WWC2: variants seen among roughly 807,000 people sequenced by gnomAD.
The protein encoded by WWC2 is protein WWC2.
Under a neutral mutation model 138.5 loss-of-function variants are expected in WWC2, and 101 were observed. That is an observed-to-expected ratio of 0.73 (90% CI 0.62 to 0.86). WWC2 has a LOEUF of 0.86. Ranked by LOEUF, WWC2 falls within the 40% of genes least tolerant of loss-of-function variation. The probability of loss-of-function intolerance (pLI) is 0.00; values close to 1 mark genes in which losing one functional copy is unlikely to be tolerated. For missense variants in WWC2, 1,420 were observed against 1,419.4 expected (o/e 1.00, Z -0.01); for synonymous variants, 558 against 538.4 (o/e 1.04, Z -0.50).
intron 1 of WWC2, among the ~76,000 whole-genome samples, chr4:183,145,343 AT>A (rs149203244): frequency 2.6e-4 from 40 of 151,816 alleles, no homozygotes; most frequent in Non-Finnish European, 5.0e-4. Context: ...TAGAAGGATT[AT>A]TTTTTTTATT....
intron 1 of WWC2, among the ~76,000 whole-genome samples, chr4:183,140,600 CT>C (rs1158979196): frequency 5.3e-5 from 8 of 152,060 alleles, no homozygotes; most frequent in Admixed American, 1.3e-4. Flanking sequence ...CTTTTCAGTA[CT>C]TTAAAGAATA....
intron 6 of WWC2, among the ~76,000 whole-genome samples, chr4:183,245,839 C>T (rs1235089576): frequency 1.3e-5 from 2 of 152,176 alleles, no homozygotes; most frequent in African/African-American, 4.8e-5. Flanking sequence ...CATCTTGGTG[C>T]ACCCTGAAAC....
Position 183,319,959 on chromosome 4 carries a change from G to A in WWC2, c.*4230G>A. ...CAGGCCCAGAAATCCCAGCCCATTT[G>A]ACAGAAACATTAAGATCCTGGAGAC... On this transcript the variant is annotated 3_prime_UTR_variant, in exon 23 of 23. Coordinates refer to ENST00000403733, the MANE Select transcript of WWC2 (RefSeq NM_024949.6). 1 of 1,613,480 alleles carries A rather than the reference G, an allele frequency of 6.2e-7. No individual in the cohort carries two copies. The highest frequency in any genetic ancestry group is 1.3e-5 in the African/African-American group (1 of 74,944).
intron 1 of WWC2, among the ~76,000 whole-genome samples, chr4:183,172,169 G>A (rs1190633250): frequency 6.6e-6 from 1 of 152,102 alleles, no homozygotes; most frequent in Non-Finnish European, 1.5e-5. Context: ...GGAACCTCCT[G>A]CACCTTCTGT....
At chr4:183,199,390 C>T (rs1186766240) in intron 2 of WWC2, among the ~76,000 whole-genome samples, 4 of 152,206 alleles carry the variant, frequency 2.6e-5, no homozygotes, top group Non-Finnish European at 5.9e-5. Flanking sequence ...ACTAGCCACT[C>T]ATACACTAGC....
chr4:183,265,721 A>G lies in WWC2; in HGVS notation c.2073A>G (p.Glu691=). The G allele has an allele frequency of 3.1e-6, 5 of 1,611,998 alleles. No individual in the cohort carries two copies. The highest frequency in any genetic ancestry group is 2.5e-6 in the Non-Finnish European group (3 of 1,179,118). Reference sequence around the variant, plus strand: ...AAATGGAAGATGTCACATACAGTGAAGAGGATGTAGCCATTGTAGAGACCG... The same window carrying G: ...AAATGGAAGATGTCACATACAGTGAGGAGGATGTAGCCATTGTAGAGACCG... ...PSEMEDVTYS[E]EDVAIVETAQ... Residue 691 remains glutamate (E), a synonymous_variant, in exon 13 of 23, where the codon GAA becomes GAG. Coordinates refer to ENST00000403733, the MANE Select transcript of WWC2 (RefSeq NM_024949.6).
chr4:183,250,649 C>G (rs1275085363), intron 8 of WWC2, among the ~76,000 whole-genome samples: 1 of 152,034 alleles, frequency 6.6e-6, no homozygotes, highest in Non-Finnish European at 1.5e-5. Flanking sequence ...TAGATAGACT[C>G]AAATACTTTT....
At chr4:183,141,955 A>G (rs1216677138) in intron 1 of WWC2, among the ~76,000 whole-genome samples, 2 of 152,258 alleles carry the variant, frequency 1.3e-5, no homozygotes, top group African/African-American at 2.4e-5. Flanking sequence ...AGCAGGGGAC[A>G]TGTGTTTAGT....
intron 4 of WWC2, among the ~76,000 whole-genome samples, chr4:183,226,631 GAATAGCTCTGCAATATTTAAA>G (rs1372299909): frequency 6.6e-6 from 1 of 151,900 alleles, no homozygotes; most frequent in African/African-American, 2.4e-5. Flanking sequence ...GGTTACAATA[GAATAGCTCTGCAATATTTAAA>G]AGCTAGAAAA....
intron 1 of WWC2, among the ~76,000 whole-genome samples, chr4:183,153,334 G>C (rs142200150): frequency 6.6e-6 from 1 of 152,160 alleles, no homozygotes; most frequent in African/African-American, 2.4e-5. Context: ...TTCAAGTAGG[G>C]CTTCAAAGCC....
intron 1 of WWC2, among the ~76,000 whole-genome samples, chr4:183,136,334 C>G (rs1034792232): frequency 6.6e-6 from 1 of 152,042 alleles, no homozygotes; most frequent in Non-Finnish European, 1.5e-5. Flanking sequence ...ACTTCAGTTG[C>G]GACTTTCACT....
intron 1 of WWC2, among the ~76,000 whole-genome samples, chr4:183,188,473 A>G: frequency 6.6e-6 from 1 of 151,868 alleles, no homozygotes; most frequent in Non-Finnish European, 1.5e-5. Context: ...CCTGACCTTA[A>G]GTGATCTGCC....
intron 4 of WWC2, among the ~76,000 whole-genome samples, chr4:183,222,517 T>C (rs539230747): frequency 6.6e-6 from 1 of 152,106 alleles, no homozygotes; most frequent in East Asian, 1.9e-4. Context: ...TTGAAGGATA[T>C]AAACAAATTT....
intron 1 of WWC2, among the ~76,000 whole-genome samples, chr4:183,187,440 G>A (rs1377620307): frequency 6.6e-6 from 1 of 151,672 alleles, no homozygotes; most frequent in Non-Finnish European, 1.5e-5. Flanking sequence ...TGTAGTCCCA[G>A]CTACACAGGA....
intron 4 of WWC2, among the ~76,000 whole-genome samples, chr4:183,212,347 AC>A (rs1216201582): frequency 3.3e-5 from 5 of 151,934 alleles, no homozygotes; most frequent in African/African-American, 1.2e-4. Context: ...GGTGTCCTGG[AC>A]CCTTTACTTT....
intron 14 of WWC2, among the ~76,000 whole-genome samples, chr4:183,267,267 A>G (rs1276270647): frequency 6.6e-6 from 1 of 152,204 alleles, no homozygotes; most frequent in Non-Finnish European, 1.5e-5. Context: ...GACTGTCCAC[A>G]TCATTAGTGA....
At chr4:183,127,176 G>A (rs1381100040) in intron 1 of WWC2, among the ~76,000 whole-genome samples, 1 of 152,086 alleles carries the variant, frequency 6.6e-6, no homozygotes, top group Non-Finnish European at 1.5e-5. Context: ...TATTTCTGAT[G>A]ATTCAAAGAT....
chr4:183,103,285 C>T (rs1253022522), intron 1 of WWC2, among the ~76,000 whole-genome samples: 2 of 150,720 alleles, frequency 1.3e-5, no homozygotes, highest in African/African-American at 4.9e-5. Flanking sequence ...TGGCTCTCCA[C>T]ACCCGTTTGA....
At chr4:183,213,668 G>T (rs1359089671) in intron 4 of WWC2, among the ~76,000 whole-genome samples, 1 of 152,172 alleles carries the variant, frequency 6.6e-6, no homozygotes, top group African/African-American at 2.4e-5. Flanking sequence ...TGGGATAACA[G>T]TACTTCCCGA....
Sources: gnomAD v4.1 joint callset for allele counts (sites outside exome capture counted in the v4.1 genomes callset) on GRCh38, gnomAD v4.1.1 for gene constraint, MANE v1.5 for transcripts, NCBI Gene and HGNC (gene_info 2026-07-23, HGNC 2026-07-21) for gene names.